Variants in ALS2 observed in about 807,000 individuals in gnomAD.
ALS2 encodes alsin Rho guanine nucleotide exchange factor ALS2, also known as alsin.
ALS2 carries 117 observed loss-of-function variants against 203.4 expected under a neutral mutation model. That is an observed-to-expected ratio of 0.58 (90% CI 0.50 to 0.67). The LOEUF is 0.67. ALS2 is among the 30% of genes least tolerant of loss of function. The probability of loss-of-function intolerance (pLI) is 0.00; values close to 1 mark genes in which losing one functional copy is unlikely to be tolerated. For synonymous variants in ALS2, 718 were observed against 725.9 expected, an observed-to-expected ratio of 0.99 and a Z score of 0.17; for missense variants, 1,715 against 1,989.4, an observed-to-expected ratio of 0.86 and a Z score of 2.62.
chr2:201,702,376 A>G (rs1384582558), intron 33 of ALS2, among the ~76,000 whole-genome samples: 2 of 151,248 alleles, frequency 1.3e-5, no homozygotes, highest in Non-Finnish European at 2.9e-5. Context: ...TCATACCCCA[A>G]TGAATAACAC....
chr2:201,722,910 T>C (rs1439512889), intron 23 of ALS2, 133 bp downstream of exon 23: 1 of 711,546 alleles, frequency 1.4e-6, no homozygotes, highest in East Asian at 2.7e-5. Context: ...TACAGCCATG[T>C]TGACCAAAAA....
intron 10 of ALS2, 146 bp downstream of exon 10, chr2:201,744,112 T>C (rs577122504): frequency 1.8e-5 from 16 of 879,400 alleles, no homozygotes; most frequent in African/African-American, 6.8e-5. Context: ...AGTTTGTAAA[T>C]TGTTGACTAC....
At chr2:201,742,138 G>C (rs1692315910) in intron 10 of ALS2, among the ~76,000 whole-genome samples, 1 of 152,154 alleles carries the variant, frequency 6.6e-6, no homozygotes, top group Non-Finnish European at 1.5e-5. Flanking sequence ...AGCCAAATTT[G>C]AGGACCACTG....
chr2:201,728,186 G>A (rs1691312479), intron 15 of ALS2, among the ~76,000 whole-genome samples: 2 of 152,070 alleles, frequency 1.3e-5, no homozygotes, highest in Non-Finnish European at 2.9e-5. Context: ...ATGTTGGTAT[G>A]CTGCACCCAT....
At chr2:201,756,304 T>TTATA (rs531701534) in intron 5 of ALS2, among the ~76,000 whole-genome samples, 2 of 150,750 alleles carry the variant, frequency 1.3e-5, no homozygotes, top group Non-Finnish European at 3.0e-5. Context: ...ATCATATATA[T>TTATA]TATATATATA....
rs1315771955 is a variant in ALS2 at position 201,761,194 on chromosome 2, T to C, written c.800A>G (p.Gln267Arg). The C allele has an allele frequency of 2.5e-6, 4 of 1,614,024 alleles. No homozygotes were observed. Among genetic ancestry groups the C allele is most frequent in the Middle Eastern group, 1.6e-4 (1 of 6,084 alleles). Reference sequence around the variant, plus strand: ...AGCAGTGCTGGCATGGTTTTCTGCCTGAGATTCTGTCAGTGTCACACCTAA... The same window carrying C: ...AGCAGTGCTGGCATGGTTTTCTGCCCGAGATTCTGTCAGTGTCACACCTAA... The part of the protein sequence containing the change: ...CPLGVTLTES[Q>R]AENHASTALS... Residue 267 changes from glutamine to arginine, a missense_variant, in exon 4 of 34, where the codon CAG becomes CGG. Gln to Arg is a conservative substitution (Grantham distance 43). This residue lies in a region of ALS2 where 476 missense variants were observed against 539.3 expected (regional missense o/e 0.88). Coordinates refer to ENST00000264276, the MANE Select transcript of ALS2 (RefSeq NM_020919.4).
At position 201,757,776 on chromosome 2, in the gene ALS2, T is replaced by C. The variant is rs764548964; in HGVS notation, c.1114-17A>G. ...TAAAAGAGGCTAAAATATACACACA[T>C]AAAAAATTATATAAAAATATAATCC... On this transcript the variant is annotated splice_polypyrimidine_tract_variant and intron_variant, in intron 4 of 33. Transcript: ENST00000264276. 18 of 1,548,062 alleles carry C rather than the reference T, an allele frequency of 1.2e-5. No homozygotes were observed. The Admixed American group carries it at 1.4e-4, about 12-fold the overall frequency.
At chr2:201,772,245 T>G (rs1268616913) in intron 1 of ALS2, among the ~76,000 whole-genome samples, 1 of 151,298 alleles carries the variant, frequency 6.6e-6, no homozygotes, top group East Asian at 1.9e-4. Flanking sequence ...GAGCCAAGGA[T>G]ATCATTTTAA....
chr2:201,718,414 C>T (rs1363233908), intron 23 of ALS2, among the ~76,000 whole-genome samples: 3 of 152,124 alleles, frequency 2.0e-5, no homozygotes, highest in Non-Finnish European at 4.4e-5. Context: ...CGCCCGCCAC[C>T]ACGCCCAGCT....
At chr2:201,767,763 G>T (rs1694171317) in intron 2 of ALS2, among the ~76,000 whole-genome samples, 2 of 151,364 alleles carry the variant, frequency 1.3e-5, no homozygotes, top group Middle Eastern at 3.2e-3. Flanking sequence ...AGCTACTCAG[G>T]AGGCTGAGGC....
intron 9 of ALS2, among the ~76,000 whole-genome samples, chr2:201,745,583 C>CA (rs1214641487): frequency 6.6e-6 from 1 of 151,726 alleles, no homozygotes; most frequent in East Asian, 1.9e-4. Flanking sequence ...TTTCAGTTTA[C>CA]AAAAAAGAAG....
chr2:201,728,814 AG>A (rs1691357463), intron 14 of ALS2, among the ~76,000 whole-genome samples, 174 bp from the exon 15 acceptor site: 2 of 151,784 alleles, frequency 1.3e-5, no homozygotes, highest in Admixed American at 6.6e-5. Context: ...TAGAGCTCAA[AG>A]GAGATTAAAA....
Position 201,773,166 on chromosome 2 carries a change from T to A in ALS2, c.-60-4221A>T, listed in dbSNP as rs142372094. Among the ~76,000 whole-genome samples the A allele has an allele frequency of 7.5e-3, 1,137 of 152,280 alleles. 14 individuals are homozygous for A. Among genetic ancestry groups the A allele is most frequent in the African/African-American group, 0.027 (1,105 of 41,562 alleles). ...TGAGCCAATGCGAAGGGCCAATGAT[T>A]TATTTCAATGACGATTTACATTTGT... On this transcript the variant is annotated intron_variant, in intron 1 of 33. Transcript: ENST00000264276.
intron 1 of ALS2, 150 bp downstream of exon 1, chr2:201,780,727 G>C (rs1044048164): frequency 3.9e-5 from 6 of 152,510 alleles, no homozygotes; most frequent in African/African-American, 1.4e-4. Flanking sequence ...GAAAATGCGG[G>C]CGCCGTCTCC....
At chr2:201,722,052 T>G (rs1690838852) in intron 23 of ALS2, 1 of 152,164 alleles carries the variant, frequency 6.6e-6, no homozygotes, top group African/African-American at 2.4e-5. Flanking sequence ...AAGACACTAT[T>G]AAGAAAATAA....
At chr2:201,704,683 C>T in intron 31 of ALS2, 80 bp from the exon 32 acceptor site, 4 of 1,513,624 alleles carry the variant, frequency 2.6e-6, no homozygotes, top group Non-Finnish European at 3.7e-6. Context: ...TGACAATATT[C>T]CCTCCTGGGA....
intron 8 of ALS2, among the ~76,000 whole-genome samples, chr2:201,748,376 TCTCA>T (rs1334382725): frequency 1.4e-4 from 21 of 152,310 alleles, no homozygotes; most frequent in African/African-American, 4.8e-4. Context: ...CTAACTCAAA[TCTCA>T]CTCTGCCTTC....
chr2:201,751,402 G>A (rs890878288), intron 7 of ALS2, among the ~76,000 whole-genome samples: 5 of 152,104 alleles, frequency 3.3e-5, no homozygotes, highest in African/African-American at 1.2e-4. Context: ...TCTCATAGGT[G>A]AGAAAAACAC....
intron 4 of ALS2, chr2:201,759,657 A>AT (rs1429798460): frequency 1.8e-5 from 18 of 984,860 alleles, no homozygotes; most frequent in African/African-American, 3.5e-5. Context: ...CTTATCCTTG[A>AT]TTTTTTTAAA....
Sources: gnomAD v4.1 joint callset for allele counts (sites outside exome capture counted in the v4.1 genomes callset) on GRCh38, gnomAD v4.1.1 for gene constraint, gnomAD v4.1.1 regional missense constraint, MANE v1.5 for transcripts, NCBI Gene and HGNC (gene_info 2026-07-23, HGNC 2026-07-21) for gene names.